RUNX1: variants seen among roughly 807,000 people sequenced by gnomAD.
RUNX1 encodes RUNX family transcription factor 1, also known as runt-related transcription factor 1.
In RUNX1, 19 loss-of-function variants were observed where a neutral mutation model predicts 42.8. The observed-to-expected ratio is 0.44, with a 90% confidence interval of 0.31 to 0.65. The LOEUF (loss-of-function observed/expected upper bound fraction) is 0.65. Ranked by LOEUF, RUNX1 falls within the 30% of genes least tolerant of loss-of-function variation. RUNX1 has a pLI of 0.07. For synonymous variants in RUNX1, 271 were observed against 289.4 expected (o/e 0.94, Z 0.64); for missense variants, 528 against 672.0 (o/e 0.79, Z 2.37).
intron 2 of RUNX1, among the ~76,000 whole-genome samples, chr21:34,948,450 G>A (rs1303428374): frequency 6.6e-6 from 1 of 152,176 alleles, no homozygotes; most frequent in Non-Finnish European, 1.5e-5. Flanking sequence ...CAGGCTCTGA[G>A]AGGAGAATTT....
At chr21:35,034,124 G>A (rs1480312964) in intron 2 of RUNX1, among the ~76,000 whole-genome samples, 1 of 152,198 alleles carries the variant, frequency 6.6e-6, no homozygotes, top group Non-Finnish European at 1.5e-5. Flanking sequence ...AGGATTGAGT[G>A]CAGCCCTGCC....
chr21:34,883,847 G>C (rs1200690414), intron 4 of RUNX1, among the ~76,000 whole-genome samples: 1 of 152,232 alleles, frequency 6.6e-6, no homozygotes, highest in Non-Finnish European at 1.5e-5. Flanking sequence ...TAACCTTCCA[G>C]TGTTGCAAAG....
At chr21:34,888,589 G>A in intron 3 of RUNX1, 1 of 1,060,548 alleles carries the variant, frequency 9.4e-7, no homozygotes, top group South Asian at 4.6e-5. Context: ...GTCCCTAGGA[G>A]CCCCGGAAAG....
At chr21:34,978,418 C>T (rs1390141674) in intron 2 of RUNX1, among the ~76,000 whole-genome samples, 1 of 147,248 alleles carries the variant, frequency 6.8e-6, no homozygotes, top group African/African-American at 2.7e-5. Flanking sequence ...AATAAACTTT[C>T]CTTTCATTTT....
chr21:34,873,772 T>G (rs1223021414), intron 5 of RUNX1, among the ~76,000 whole-genome samples: 1 of 152,242 alleles, frequency 6.6e-6, no homozygotes. Context: ...GCAAACTGAA[T>G]GCCGTCGATT....
intron 2 of RUNX1, among the ~76,000 whole-genome samples, chr21:34,913,113 T>C (rs1440381780): frequency 6.6e-6 from 1 of 152,122 alleles, no homozygotes; most frequent in African/African-American, 2.4e-5. Flanking sequence ...GCACCTGTAA[T>C]CCCAGCTACT....
rs1374004810 is a variant in RUNX1 at position 34,792,619 on chromosome 21, C to T, written c.968-9G>A. 1 of 1,576,894 alleles carries T rather than the reference C, an allele frequency of 6.3e-7. No individual in the cohort carries two copies. The highest frequency in any genetic ancestry group is 1.2e-5 in the South Asian group (1 of 86,124). Reference sequence around the variant, plus strand: ...TGTCAGGTCGGGTGCCGCTGCAGGGCGGGCAAGAGAACGGAGCGGAAGTGA... The same window carrying T: ...TGTCAGGTCGGGTGCCGCTGCAGGGTGGGCAAGAGAACGGAGCGGAAGTGA... On this transcript the variant is annotated splice_polypyrimidine_tract_variant and intron_variant, in intron 8 of 8. Coordinates refer to ENST00000675419, the MANE Select transcript of RUNX1 (RefSeq NM_001754.5). This position sits in a 1 kb window ranked among gnomAD's most constrained non-coding sequence, Gnocchi z 6.9.
intron 2 of RUNX1, among the ~76,000 whole-genome samples, chr21:34,967,482 C>T (rs2058729999): frequency 6.6e-6 from 1 of 151,104 alleles, no homozygotes. Flanking sequence ...GCCATCCAGC[C>T]CTGAACACAG....
In RUNX1 at chr21:34,837,931, C is replaced by T. The variant is rs1448830696; in HGVS notation, c.614-3330G>A. On this transcript the variant is annotated intron_variant, in intron 6 of 8. Coordinates refer to ENST00000675419, the MANE Select transcript of RUNX1 (RefSeq NM_001754.5). ...CTCATTTTTGAAAAAAATGAAAGTA[C>T]TTGCTTGGAATTTTATTATGTATGC... Among the ~76,000 whole-genome samples, 6 of 152,070 alleles carry T rather than the reference C, an allele frequency of 3.9e-5. No homozygotes were observed. In the East Asian group the frequency reaches 1.2e-3, roughly 29 times the overall value.
intron 6 of RUNX1, among the ~76,000 whole-genome samples, chr21:34,844,063 G>T (rs147016829): frequency 6.6e-6 from 1 of 152,030 alleles, no homozygotes; most frequent in South Asian, 2.1e-4. Context: ...CCCTCCCTAG[G>T]TTAAGGTCTT....
At chr21:34,988,437 AG>A (rs1437636783) in intron 2 of RUNX1, among the ~76,000 whole-genome samples, 2 of 152,180 alleles carry the variant, frequency 1.3e-5, no homozygotes, top group Non-Finnish European at 2.9e-5. Flanking sequence ...AGGGGATGGC[AG>A]GGCTCAGCTG....
intron 6 of RUNX1, among the ~76,000 whole-genome samples, chr21:34,853,815 A>ATT (rs34643463): frequency 0.014 from 1,994 of 139,108 alleles, 33 homozygotes; most frequent in Non-Finnish European, 0.02. Flanking sequence ...TCCTTCCTTC[A>ATT]TTTTTTTTTT....
intron 6 of RUNX1, among the ~76,000 whole-genome samples, chr21:34,847,503 C>T (rs1006541866): frequency 1.3e-5 from 2 of 151,946 alleles, no homozygotes; most frequent in African/African-American, 4.8e-5. Flanking sequence ...TTTTAATTAT[C>T]TAATTATATT....
In RUNX1 at chr21:34,930,270, G is replaced by GTGTGTGTATA. The variant is rs372412304; in HGVS notation, c.59-37308_59-37307insTATACACACA. Reference sequence around the variant, plus strand: ...ATGTATATTATACGTGTGTGTGTATGTATATATATATATATATATATAAAT... The same window carrying GTGTGTGTATA: ...ATGTATATTATACGTGTGTGTGTATGTGTGTGTATATATATATATATATATATATATAAAT... On this transcript the variant is annotated intron_variant, in intron 2 of 8. Transcript: ENST00000675419. 4.7e-4 allele frequency among the ~76,000 whole-genome samples: 58 copies of GTGTGTGTATA among 123,014 alleles called. 1 individual carries two copies. The highest frequency in any genetic ancestry group is 2.1e-3 in the African/African-American group (55 of 26,660). The allele number at this position is 123,014 out of a possible 152,430, so 80.7% of individuals were successfully genotyped here.
rs371955155 is a variant in RUNX1 at position 34,789,584 on chromosome 21, TCACACA to T, written c.*2545_*2550del. On this transcript the variant is annotated 3_prime_UTR_variant, in exon 9 of 9. Coordinates refer to ENST00000675419, the MANE Select transcript of RUNX1 (RefSeq NM_001754.5). ...ACCTGAAGTCAATGAATGCAATTTTTCACACACACACACACACACGCACACACACAC... is the reference window on the plus strand; with the variant it reads ...ACCTGAAGTCAATGAATGCAATTTTTCACACACACACACGCACACACACAC... 1 of 226,572 alleles carries T rather than the reference TCACACA, an allele frequency of 4.4e-6. No individual in the cohort carries two copies. The highest frequency in any genetic ancestry group is 8.8e-6 in the Non-Finnish European group (1 of 114,206). 14.0% of individuals were successfully genotyped at this position (226,572 alleles called of 1,614,324 possible).
chr21:35,000,303 C>A lies in RUNX1; in HGVS notation c.58+48539G>T, dbSNP rs528156379. Among the ~76,000 whole-genome samples the A allele has an allele frequency of 5.6e-4, 81 of 145,740 alleles. No homozygotes were observed. In the South Asian group the frequency reaches 0.017, roughly 30 times the overall value. ...TCACCCAGGCTGGAATGCAGTGGCG[C>A]AATCTCGGCTCACTGCAAACTCCGC... On this transcript the variant is annotated intron_variant, in intron 2 of 8. Coordinates refer to ENST00000675419, the MANE Select transcript of RUNX1 (RefSeq NM_001754.5).
intron 3 of RUNX1, among the ~76,000 whole-genome samples, chr21:34,889,367 G>C (rs956220525): frequency 5.3e-5 from 8 of 152,102 alleles, no homozygotes; most frequent in African/African-American, 1.9e-4. Flanking sequence ...TCTTCCCTTG[G>C]GTCGGTTTCT....
At chr21:34,894,893 A>G (rs2146462289) in intron 2 of RUNX1, among the ~76,000 whole-genome samples, 1 of 129,832 alleles carries the variant, frequency 7.7e-6, no homozygotes, top group Middle Eastern at 3.6e-3. Context: ...ACACACACAC[A>G]CACACACACA....
At chr21:34,993,159 G>T (rs578137331) in intron 2 of RUNX1, among the ~76,000 whole-genome samples, 4 of 152,206 alleles carry the variant, frequency 2.6e-5, no homozygotes, top group African/African-American at 7.2e-5. Flanking sequence ...TGAGGAAGAC[G>T]TGGCAATTTC....
Sources: allele counts gnomAD v4.1 joint callset (sites outside exome capture counted in the v4.1 genomes callset), GRCh38; gene constraint gnomAD v4.1.1; non-coding constraint Gnocchi (gnomAD v3.1); transcripts MANE v1.5; gene names NCBI Gene and HGNC (gene_info 2026-07-23, HGNC 2026-07-21).